Variants in RAP1A observed in about 807,000 individuals in gnomAD.
The protein encoded by RAP1A is RAP1A, member of RAS oncogene family.
In RAP1A, 6 loss-of-function variants were observed where a neutral mutation model predicts 26.4. That is an observed-to-expected ratio of 0.23 (90% CI 0.12 to 0.45). RAP1A has a LOEUF of 0.45. Ranked by LOEUF, RAP1A falls within the 20% of genes least tolerant of loss-of-function variation. The pLI is 0.99. For synonymous variants in RAP1A, 73 were observed against 79.4 expected (o/e 0.92, Z 0.43); for missense variants, 121 against 217.2 (o/e 0.56, Z 2.78).
chr1:111,678,677 A>G (rs1026934567), intron 1 of RAP1A, among the ~76,000 whole-genome samples: 1 of 152,102 alleles, frequency 6.6e-6, no homozygotes, highest in African/African-American at 2.4e-5. Context: ...TAAAAATGTT[A>G]TTATAATCTA....
At chr1:111,592,219 A>G (rs993351715) in intron 1 of RAP1A, among the ~76,000 whole-genome samples, 8 of 152,242 alleles carry the variant, frequency 5.3e-5, no homozygotes, top group Non-Finnish European at 7.3e-5. Flanking sequence ...TAATGCGAGC[A>G]GAAGCATCAC....
intron 1 of RAP1A, among the ~76,000 whole-genome samples, chr1:111,642,426 T>G (rs1051397694): frequency 3.3e-5 from 5 of 152,166 alleles, no homozygotes; most frequent in African/African-American, 1.2e-4. Context: ...CTAACATTTC[T>G]TACCCCTTTC....
intron 1 of RAP1A, chr1:111,648,773 G>T: frequency 1.6e-6 from 1 of 623,436 alleles, no homozygotes; most frequent in Non-Finnish European, 3.0e-6. Flanking sequence ...GCTGAGACCA[G>T]TACTTGTCTA....
chr1:111,699,144 A>C (rs1661932914), intron 4 of RAP1A, among the ~76,000 whole-genome samples: 1 of 152,092 alleles, frequency 6.6e-6, no homozygotes, highest in Admixed American at 6.6e-5. Flanking sequence ...AAAACCTTAC[A>C]AACAGCTGCA....
intron 1 of RAP1A, among the ~76,000 whole-genome samples, chr1:111,584,857 C>G (rs1458264329): frequency 6.6e-6 from 1 of 152,086 alleles, no homozygotes; most frequent in Admixed American, 6.6e-5. Context: ...AGTTAAAATA[C>G]CAAACCTAGG....
At chr1:111,554,839 T>C (rs1015548930) in intron 1 of RAP1A, among the ~76,000 whole-genome samples, 1 of 151,978 alleles carries the variant, frequency 6.6e-6, no homozygotes, top group African/African-American at 2.4e-5. Flanking sequence ...AATCTAAGAA[T>C]CTAAAAAAGT....
intron 1 of RAP1A, among the ~76,000 whole-genome samples, chr1:111,655,785 C>T (rs751529787): frequency 9.2e-5 from 14 of 151,352 alleles, no homozygotes; most frequent in Non-Finnish European, 1.6e-4. Flanking sequence ...AGCATTCTCC[C>T]GCCTCAGCCT....
intron 1 of RAP1A, among the ~76,000 whole-genome samples, chr1:111,560,188 C>G (rs1657672835): frequency 6.6e-6 from 1 of 152,132 alleles, no homozygotes; most frequent in South Asian, 2.1e-4. Flanking sequence ...CATGAGATCA[C>G]AAGAGAAGAC....
At chr1:111,677,297 G>T (rs369278882) in intron 1 of RAP1A, among the ~76,000 whole-genome samples, 1 of 152,072 alleles carries the variant, frequency 6.6e-6, no homozygotes. Flanking sequence ...TAGATTTTTG[G>T]CTATTACAAA....
At chr1:111,679,497 T>TTTTTC (rs201645220) in intron 1 of RAP1A, among the ~76,000 whole-genome samples, 42 of 117,024 alleles carry the variant, frequency 3.6e-4, no homozygotes, top group South Asian at 6.1e-4. Context: ...CTGTAGGAGG[T>TTTTTC]TTTTCTTTTC....
chr1:111,563,689 C>A (rs1657836258), intron 1 of RAP1A, among the ~76,000 whole-genome samples: 1 of 152,152 alleles, frequency 6.6e-6, no homozygotes, highest in South Asian at 2.1e-4. Context: ...TCTTCACAAC[C>A]CTGTGGAATA....
intron 1 of RAP1A, among the ~76,000 whole-genome samples, chr1:111,646,213 C>T (rs1158104024): frequency 2.6e-5 from 4 of 152,074 alleles, no homozygotes; most frequent in Non-Finnish European, 5.9e-5. Flanking sequence ...TAGTAAATGA[C>T]CAGGTTGTTT....
intron 1 of RAP1A, chr1:111,649,381 G>A (rs1660186961): frequency 5.3e-6 from 2 of 378,492 alleles, no homozygotes; most frequent in Non-Finnish European, 1.0e-5. Flanking sequence ...CATCCCTGCA[G>A]CCAGACCCCA....
rs539773461 is a variant in RAP1A at position 111,659,571 on chromosome 1, C to T, written c.-27-31763C>T. 3.3e-5 allele frequency among the ~76,000 whole-genome samples: 5 copies of T among 151,010 alleles called. No homozygotes were observed. In the South Asian group the frequency reaches 1.0e-3, roughly 32 times the overall value. ...TTTTAGGGTACATGTGCACATTGTG[C>T]AGGTTAGTTACATATGTATACCTAT... On this transcript the variant is annotated intron_variant, in intron 1 of 7. Transcript: ENST00000369709.
Position 111,613,201 on chromosome 1 carries a change from T to C in RAP1A, c.-28+70692T>C, listed in dbSNP as rs113947060. 3.8e-3 allele frequency among the ~76,000 whole-genome samples: 576 copies of C among 152,034 alleles called. 2 individuals are homozygous for C. Among genetic ancestry groups the C allele is most frequent in the Non-Finnish European group, 5.4e-3 (367 of 67,982 alleles). On this transcript the variant is annotated intron_variant, in intron 1 of 7. Transcript: ENST00000356415. ...ATCTGTTGCAAGCTCTTTTTCTTTT[T>C]CTTTTTCTTTTTTTTTGAGACGGAG...
At chr1:111,668,897 G>A (rs112334542) in intron 1 of RAP1A, among the ~76,000 whole-genome samples, 1 of 151,908 alleles carries the variant, frequency 6.6e-6, no homozygotes, top group South Asian at 2.1e-4. Flanking sequence ...GGGCATGGTG[G>A]TGTGTGCCTG....
chr1:111,686,112 C>A (rs986544492), intron 1 of RAP1A, among the ~76,000 whole-genome samples: 3 of 77,226 alleles, frequency 3.9e-5, no homozygotes, highest in African/African-American at 5.2e-5. Flanking sequence ...GGTCACACGC[C>A]GGGGCCTGTC....
At chr1:111,613,053 G>A (rs1658951638) in intron 1 of RAP1A, among the ~76,000 whole-genome samples, 1 of 152,058 alleles carries the variant, frequency 6.6e-6, no homozygotes, top group Non-Finnish European at 1.5e-5. Flanking sequence ...TTAAAGCTAT[G>A]TAGCCTCATT....
intron 1 of RAP1A, among the ~76,000 whole-genome samples, chr1:111,666,709 A>G (rs1660805360): frequency 6.6e-6 from 1 of 152,198 alleles, no homozygotes; most frequent in Non-Finnish European, 1.5e-5. Context: ...TGATACTATA[A>G]GAGTATATAA....
Sources: allele counts gnomAD v4.1 joint callset (sites outside exome capture counted in the v4.1 genomes callset), GRCh38; gene constraint gnomAD v4.1.1; transcripts MANE v1.5; gene names NCBI Gene and HGNC (gene_info 2026-07-23, HGNC 2026-07-21).